YAE1: variants seen among roughly 807,000 people sequenced by gnomAD.
YAE1 encodes the protein YAE1 maturation factor of ABCE1, also known as protein YAE1 homolog.
In YAE1, 22 loss-of-function variants were observed where a neutral mutation model predicts 23.0. The ratio of observed to expected loss-of-function variants is 0.96; its 90% CI spans 0.68 to 1.37. The LOEUF is 1.37. Ranked by LOEUF, YAE1 falls within the 40% of genes most tolerant of loss-of-function variation. The pLI, the probability that YAE1 is intolerant of heterozygous loss-of-function variation, is 0.00. For missense variants in YAE1, 260 were observed against 262.1 expected (o/e 0.99, Z 0.06); for synonymous variants, 101 against 97.0 (o/e 1.04, Z -0.24).
In YAE1 at chr7:39,586,076, G is replaced by T. The variant is rs535338848; in HGVS notation, c.251+15449G>T. 1.1e-4 allele frequency among the ~76,000 whole-genome samples: 16 copies of T among 152,192 alleles called. 1 individual carries two copies. The highest frequency in any genetic ancestry group is 6.8e-3 in the Middle Eastern group (2 of 294). On this transcript the variant is annotated intron_variant, in intron 2 of 2. Coordinates refer to the YAE1 transcript ENST00000432096. ...GATCGCACCACCGCACTCCAGCCTG[G>T]GTGACAGAGCAAGACCCTATCTCAA...
chr7:39,589,617 T>C (rs1481726540), intron 2 of YAE1, among the ~76,000 whole-genome samples: 1 of 152,194 alleles, frequency 6.6e-6, no homozygotes, highest in African/African-American at 2.4e-5. Flanking sequence ...GTATTTCTCA[T>C]AACTATTACT....
chr7:39,606,852 T>TA (rs2115854688), intron 2 of YAE1, among the ~76,000 whole-genome samples: 1 of 152,366 alleles, frequency 6.6e-6, no homozygotes, highest in East Asian at 1.9e-4. Flanking sequence ...TATTGAGCTT[T>TA]AAAAATATAT....
At chr7:39,594,937 T>C (rs1269554174) in intron 2 of YAE1, among the ~76,000 whole-genome samples, 2 of 152,186 alleles carry the variant, frequency 1.3e-5, no homozygotes, top group Non-Finnish European at 2.9e-5. Flanking sequence ...GCTCCATATT[T>C]AGACATTTGT....
chr7:39,606,207 CAA>C (rs1791127594), intron 2 of YAE1, among the ~76,000 whole-genome samples: 3 of 152,014 alleles, frequency 2.0e-5, no homozygotes, highest in South Asian at 2.1e-4. Flanking sequence ...AGCTTAAGCA[CAA>C]AGAGTCAGAA....
downstream of YAE1, among the ~76,000 whole-genome samples, chr7:39,577,308 T>A (rs555653300): frequency 3.3e-5 from 5 of 152,378 alleles, no homozygotes; most frequent in South Asian, 1.0e-3. Context: ...TCTCTCACTC[T>A]AGGTGCCTCC....
intron 2 of YAE1, among the ~76,000 whole-genome samples, chr7:39,585,704 A>G (rs567261529): frequency 1.7e-4 from 26 of 152,242 alleles, no homozygotes; most frequent in African/African-American, 6.0e-4. Context: ...ACAGATATTT[A>G]TTAAATACCT....
At chr7:39,606,157 G>T (rs1307837314) in intron 2 of YAE1, among the ~76,000 whole-genome samples, 2 of 151,262 alleles carry the variant, frequency 1.3e-5, no homozygotes, top group Non-Finnish European at 2.9e-5. Flanking sequence ...CTTCCTTTGT[G>T]ACTTCTAGCT....
chr7:39,602,382 C>A (rs548502210), intron 2 of YAE1, among the ~76,000 whole-genome samples: 1 of 152,250 alleles, frequency 6.6e-6, no homozygotes, highest in East Asian at 1.9e-4. Flanking sequence ...GCTAGTTAGA[C>A]AATAAGTTTC....
intron 2 of YAE1, among the ~76,000 whole-genome samples, chr7:39,591,632 C>T (rs1366660790): frequency 6.6e-6 from 1 of 151,282 alleles, no homozygotes; most frequent in African/African-American, 2.5e-5. Context: ...TCAACGTCCA[C>T]CACCGGATTG....
chr7:39,578,042 C>G (rs1477136620), intron 2 of YAE1, among the ~76,000 whole-genome samples: 1 of 152,152 alleles, frequency 6.6e-6, no homozygotes, highest in African/African-American at 2.4e-5. Context: ...ATACACCAGT[C>G]AGCACTTGGT....
In YAE1 at chr7:39,600,062, G is replaced by A. The variant is rs1015020080; in HGVS notation, c.252-9555G>A. 2.0e-5 allele frequency among the ~76,000 whole-genome samples: 3 copies of A among 152,112 alleles called. No individual in the cohort carries two copies. The South Asian group carries it at 6.2e-4, about 32-fold the overall frequency. ...GAAGTGAAAAGATTGTAAAGGAAGA[G>A]GCACAAATCCATGAAATGAAGTTTC... On this transcript the variant is annotated intron_variant, in intron 2 of 2. Transcript: ENST00000432096.
intron 2 of YAE1, among the ~76,000 whole-genome samples, chr7:39,604,951 T>C (rs1336871658): frequency 6.6e-6 from 1 of 152,184 alleles, no homozygotes; most frequent in East Asian, 1.9e-4. Flanking sequence ...GTGTGTGAAA[T>C]AGAATATAGA....
chr7:39,608,032 A>G (rs1392212774), intron 2 of YAE1, among the ~76,000 whole-genome samples: 1 of 152,102 alleles, frequency 6.6e-6, no homozygotes, highest in East Asian at 1.9e-4. Flanking sequence ...TGAAATCCTT[A>G]ATAGCCTTCA....
intron 2 of YAE1, among the ~76,000 whole-genome samples, chr7:39,587,257 G>A (rs7801411): frequency 0.9 from 136,193 of 151,860 alleles, 61,338 homozygotes; most frequent in East Asian, 1. Context: ...GGGTTTCGCC[G>A]TGTTGCCCAG....
At chr7:39,587,020 T>TTCTTTTCCTTC (rs144211272) in intron 2 of YAE1, among the ~76,000 whole-genome samples, 13 of 150,320 alleles carry the variant, frequency 8.6e-5, no homozygotes, top group Admixed American at 5.3e-4. Flanking sequence ...TTCTTTTCTT[T>TTCTTTTCCTTC]TCTTTCTCTT....
In YAE1 at chr7:39,572,776, T is replaced by G; in HGVS notation, c.*70T>G. ...GTTTCCTAACAATCGAAATTTGTAC[T>G]GGTTTCTGCATCAAACACCTCAACT... On this transcript the variant is annotated 3_prime_UTR_variant, in exon 3 of 3. Coordinates refer to ENST00000223273, the MANE Select transcript of YAE1 (RefSeq NM_020192.5). 2 of 1,505,138 alleles carry G rather than the reference T, an allele frequency of 1.3e-6. No individual in the cohort carries two copies. The highest frequency in any genetic ancestry group is 1.8e-6 in the Non-Finnish European group (2 of 1,132,954). The allele number at this position is 1,505,138 out of a possible 1,614,324, so 93.2% of individuals were successfully genotyped here. A position where few individuals can be genotyped will look rare whatever the true frequency, so the allele number is the denominator to read the frequency against.
chr7:39,607,175 C>T (rs1791141596), intron 2 of YAE1, among the ~76,000 whole-genome samples: 1 of 152,148 alleles, frequency 6.6e-6, no homozygotes, highest in Non-Finnish European at 1.5e-5. Flanking sequence ...TTGGGATTGT[C>T]AGGATCCTCT....
chr7:39,572,688 A>G lies in YAE1; in HGVS notation c.663A>G (p.Gln221=), dbSNP rs1279318147. Residue 221 remains glutamine, a synonymous_variant, in exon 3 of 3, where the codon CAA becomes CAG. Transcript: ENST00000223273. ...TGGGCCTATCAGTAGATGTATTACA[A>G]CACCTCAAACAACTATAAAATTACC... is the stretch of plus-strand genomic sequence containing the variant. ...KQLGLSVDVL[Q]HLKQL 3 of 1,574,722 alleles carry G rather than the reference A, an allele frequency of 1.9e-6. No homozygotes were observed. The highest frequency in any genetic ancestry group is 1.2e-5 in the South Asian group (1 of 84,570).
At chr7:39,609,861 T>C in exon 3 of YAE1, 1 of 1,533,824 alleles carries the variant, frequency 6.5e-7, no homozygotes, top group African/African-American at 1.4e-5. Context: ...CCGCCGGCGT[T>C]TCAGACGCAA....
Sources: allele counts gnomAD v4.1 joint callset (sites outside exome capture counted in the v4.1 genomes callset), GRCh38; gene constraint gnomAD v4.1.1; transcripts MANE v1.5; gene names NCBI Gene and HGNC (gene_info 2026-07-23, HGNC 2026-07-21).